The following SYBU variants were observed in gnomAD, a reference collection of about 807,000 sequenced individuals.
The protein encoded by SYBU is syntabulin.
Under a neutral mutation model 35.9 loss-of-function variants are expected in SYBU, and 21 were observed. That is an observed-to-expected ratio of 0.58 (90% CI 0.41 to 0.84). SYBU has a LOEUF of 0.84. SYBU is among the 40% of genes least tolerant of loss of function. The pLI is 0.00. For synonymous variants in SYBU, 319 were observed against 324.3 expected, an observed-to-expected ratio of 0.98 and a Z score of 0.18; for missense variants, 768 against 848.2, an observed-to-expected ratio of 0.91 and a Z score of 1.17.
chr8:109,668,257 G>A (rs556249634), intron 1 of SYBU, among the ~76,000 whole-genome samples: 70 of 150,010 alleles, frequency 4.7e-4, no homozygotes, highest in Admixed American at 7.4e-4. Context: ...AGTGAAATGC[G>A]AGGTGTAGAT....
At chr8:109,598,690 A>C (rs1343953971) in intron 3 of SYBU, among the ~76,000 whole-genome samples, 1 of 152,236 alleles carries the variant, frequency 6.6e-6, no homozygotes, top group Non-Finnish European at 1.5e-5. Context: ...CTATCTAAGT[A>C]ATGTGATTTA....
intron 3 of SYBU, among the ~76,000 whole-genome samples, chr8:109,602,218 C>T (rs1563708667): frequency 6.6e-6 from 1 of 152,048 alleles, no homozygotes. Context: ...TTATCTTATG[C>T]CATATGCTTG....
chr8:109,615,042 A>G (rs1163843909), intron 3 of SYBU, among the ~76,000 whole-genome samples: 2 of 152,182 alleles, frequency 1.3e-5, no homozygotes, highest in African/African-American at 4.8e-5. Flanking sequence ...CTCAGGGAAC[A>G]TTATTAGCTC....
intron 1 of SYBU, among the ~76,000 whole-genome samples, chr8:109,679,184 A>C (rs1033617356): frequency 2.0e-5 from 3 of 152,228 alleles, no homozygotes; most frequent in Non-Finnish European, 4.4e-5. Context: ...ATGCCATGGC[A>C]ATATAAGGAA....
At chr8:109,631,410 C>T (rs1813610719) in intron 2 of SYBU, among the ~76,000 whole-genome samples, 1 of 152,142 alleles carries the variant, frequency 6.6e-6, no homozygotes. Flanking sequence ...TAAACATTCC[C>T]AGGATTTCTG....
intron 1 of SYBU, among the ~76,000 whole-genome samples, chr8:109,672,929 G>A (rs1364249527): frequency 6.6e-6 from 1 of 152,206 alleles, no homozygotes; most frequent in Admixed American, 6.5e-5. Flanking sequence ...GTTTGGACTG[G>A]GTGGAGCCCA....
upstream of SYBU, chr8:109,645,233 A>C (rs1204233540): frequency 2.2e-6 from 1 of 456,704 alleles, no homozygotes; most frequent in South Asian, 1.5e-5. Flanking sequence ...GTCTTAAGTC[A>C]GCCTACAGCT....
Position 109,579,868 on chromosome 8 carries a change from TA to T in SYBU, c.664del (p.Tyr222MetfsTer23). The T allele has an allele frequency of 6.2e-7, 1 of 1,612,198 alleles. No homozygotes were observed. Among genetic ancestry groups the T allele is most frequent in the Non-Finnish European group, 8.5e-7 (1 of 1,179,102 alleles). On this transcript the variant is annotated frameshift_variant, in exon 5 of 7. Coordinates refer to ENST00000276646, the MANE Select transcript of SYBU (RefSeq NM_001099754.2). LOFTEE classifies it high-confidence loss of function. ...QLSPVNIHPSYAPSSPSSSNS... is the reference protein window; with the variant it reads ...QLSPVNIHPSXAPSSPSSSNS... ...GCTACTGCTTGGGGAAGAAGGTGCA[TA>T]ACTGGGATGGATATTGACAGGGCTC...
intron 2 of SYBU, among the ~76,000 whole-genome samples, chr8:109,631,773 T>G (rs1028925609): frequency 1.3e-5 from 2 of 151,578 alleles, no homozygotes; most frequent in Non-Finnish European, 2.9e-5. Context: ...GGCACGGGGG[T>G]GGTGAATTTG....
intron 3 of SYBU, among the ~76,000 whole-genome samples, chr8:109,588,614 C>G (rs1177384460): frequency 6.6e-6 from 1 of 152,132 alleles, no homozygotes; most frequent in African/African-American, 2.4e-5. Flanking sequence ...TTAAGGGATA[C>G]ACAGGAAAGC....
rs1817633928 is a variant in SYBU at position 109,691,083 on chromosome 8, A to C, written c.-58+250T>G. Among the ~76,000 whole-genome samples, 1 of 152,164 alleles carries C rather than the reference A, an allele frequency of 6.6e-6. No homozygotes were observed. Among genetic ancestry groups the C allele is most frequent in the Non-Finnish European group, 1.5e-5 (1 of 68,026 alleles). On this transcript the variant is annotated intron_variant, in intron 1 of 7. Coordinates refer to the SYBU transcript ENST00000422135. This position sits in a 1 kb window ranked among gnomAD's most constrained non-coding sequence, Gnocchi z 4.7. The stretch of plus-strand genomic sequence containing the variant: ...AGGAGTCCAGCCCGACCGTCTCAAC[A>C]ACCAATCAAACCAATCAAACAGGAG...
intron 3 of SYBU, among the ~76,000 whole-genome samples, chr8:109,600,340 C>T (rs1300767787): frequency 6.6e-6 from 1 of 152,132 alleles, no homozygotes; most frequent in Admixed American, 6.5e-5. Flanking sequence ...AAAAATACTC[C>T]CTTCCACTCC....
intron 3 of SYBU, among the ~76,000 whole-genome samples, chr8:109,604,873 C>G (rs1440041671): frequency 2.0e-5 from 3 of 152,188 alleles, no homozygotes; most frequent in Admixed American, 6.5e-5. Flanking sequence ...GTCAGGCCCG[C>G]CAGTAGTCTC....
chr8:109,642,674 G>T, intron 2 of SYBU, 54 bp downstream of exon 2: 1 of 1,299,340 alleles, frequency 7.7e-7, no homozygotes. Context: ...CATTCACAAT[G>T]CACCTGCAGT....
intron 3 of SYBU, among the ~76,000 whole-genome samples, chr8:109,604,713 G>A (rs1825887737): frequency 6.6e-6 from 1 of 152,200 alleles, no homozygotes; most frequent in Non-Finnish European, 1.5e-5. Flanking sequence ...GCAATCTGCA[G>A]ATTCTAAACC....
chr8:109,660,047 G>A (rs545769328), intron 1 of SYBU, among the ~76,000 whole-genome samples: 5 of 152,138 alleles, frequency 3.3e-5, no homozygotes, highest in African/African-American at 9.6e-5. Context: ...TTCTAATTTT[G>A]AGCCATCTTC....
upstream of SYBU, chr8:109,645,787 A>C (rs562768215): frequency 8.5e-4 from 149 of 174,896 alleles, 2 homozygotes; most frequent in Admixed American, 7.7e-3. Flanking sequence ...TTACATGCGG[A>C]TGCCATTGCA....
At chr8:109,618,801 C>T (rs1218184391) in intron 3 of SYBU, 41 bp downstream of exon 3, 4 of 1,582,176 alleles carry the variant, frequency 2.5e-6, no homozygotes, top group Non-Finnish European at 3.5e-6. Flanking sequence ...CTACTCCCAT[C>T]ACATTGTTCT....
chr8:109,622,179 G>A (rs943598135), intron 2 of SYBU, among the ~76,000 whole-genome samples: 2 of 133,180 alleles, frequency 1.5e-5, no homozygotes, highest in Non-Finnish European at 3.2e-5. Context: ...AAAATAATAT[G>A]AGTATCTATC....
Sources: gnomAD v4.1 joint callset for allele counts (sites outside exome capture counted in the v4.1 genomes callset) on GRCh38, gnomAD v4.1.1 for gene constraint, Gnocchi (gnomAD v3.1) non-coding constraint, MANE v1.5 for transcripts, NCBI Gene and HGNC (gene_info 2026-07-23, HGNC 2026-07-21) for gene names.